ANKRD17: variants seen among roughly 807,000 people sequenced by gnomAD.
The protein encoded by ANKRD17 is ankyrin repeat domain-containing protein 17.
Under a neutral mutation model 229.7 loss-of-function variants are expected in ANKRD17, and 19 were observed. The observed-to-expected ratio is 0.08, with a 90% CI of 0.06 to 0.12. ANKRD17 has a LOEUF of 0.12. Among genes scored for constraint, ANKRD17 ranks in the 10% least tolerant of loss-of-function variants. The probability of loss-of-function intolerance (pLI) is 1.00; values close to 1 mark genes in which losing one functional copy is unlikely to be tolerated. For missense variants in ANKRD17, 2,176 were observed against 3,176.8 expected (o/e 0.68, Z 7.57); for synonymous variants, 1,112 against 1,146.1 (o/e 0.97, Z 0.60).
intron 1 of ANKRD17, among the ~76,000 whole-genome samples, chr4:73,251,831 G>A (rs1046673282): frequency 3.3e-5 from 5 of 152,122 alleles, no homozygotes; most frequent in Non-Finnish European, 7.4e-5. Context: ...TAATCAACTA[G>A]ATGGCATAAT....
At chr4:73,244,989 T>C (rs1053784373) in intron 1 of ANKRD17, among the ~76,000 whole-genome samples, 1 of 152,060 alleles carries the variant, frequency 6.6e-6, no homozygotes, top group African/African-American at 2.4e-5. Flanking sequence ...AATTCACCTA[T>C]AAAGCAGTTT....
At chr4:73,112,916 T>C (rs1578085975) in intron 24 of ANKRD17, 25 of 288,026 alleles carry the variant, frequency 8.7e-5, no homozygotes, top group Non-Finnish European at 1.1e-4. Flanking sequence ...GCCTCCAGAG[T>C]AAATGGGATT....
At chr4:73,095,854 T>G (rs979880403) in intron 27 of ANKRD17, among the ~76,000 whole-genome samples, 1 of 151,936 alleles carries the variant, frequency 6.6e-6, no homozygotes, top group African/African-American at 2.4e-5. Context: ...CCAGCTAATT[T>G]TTTAATTTTG....
At chr4:73,086,919 A>AAAATAT (rs1553911000) in intron 29 of ANKRD17, among the ~76,000 whole-genome samples, 32 of 12,460 alleles carry the variant, frequency 2.6e-3, no homozygotes, top group Non-Finnish European at 3.9e-3. Context: ...AAAAAAAAAA[A>AAAATAT]ATATATATAT....
chr4:73,220,900 C>A (rs940952429), intron 1 of ANKRD17, among the ~76,000 whole-genome samples: 7 of 151,886 alleles, frequency 4.6e-5, no homozygotes, highest in African/African-American at 1.7e-4. Context: ...AGGAGTTATC[C>A]CTGTGGGGGG....
Position 73,189,403 on chromosome 4 carries a change from GTTT to G in ANKRD17, c.394-11873_394-11871del, listed in dbSNP as rs763345325. On this transcript the variant is annotated intron_variant, in intron 1 of 33. Transcript: ENST00000358602. The stretch of plus-strand genomic sequence containing the variant: ...ACGGTGATATTCCTCTGCCTGGAAT[GTTT>G]TTTTTTTTTTTTTTTTTGAAACGGA... Among the ~76,000 whole-genome samples the G allele has an allele frequency of 6.2e-5, 7 of 112,690 alleles. No individual in the cohort carries two copies. The East Asian group carries it at 1.1e-3, about 17-fold the overall frequency. 73.9% of individuals were successfully genotyped at this position (112,690 alleles called of 152,430 possible). A position where few individuals can be genotyped will look rare whatever the true frequency, so the allele number is the denominator to read the frequency against.
intron 24 of ANKRD17, among the ~76,000 whole-genome samples, chr4:73,111,893 G>A (rs1725366407): frequency 6.6e-6 from 1 of 152,156 alleles, no homozygotes; most frequent in African/African-American, 2.4e-5. Context: ...TAGTAATAGA[G>A]ACAAACAAGA....
intron 29 of ANKRD17, among the ~76,000 whole-genome samples, chr4:73,088,832 T>C (rs1195962132): frequency 6.6e-6 from 1 of 152,110 alleles, no homozygotes; most frequent in African/African-American, 2.4e-5. Flanking sequence ...ATAACACAGA[T>C]AACGAGTTGG....
chr4:73,107,288 T>C (rs934182410), intron 24 of ANKRD17, among the ~76,000 whole-genome samples: 9 of 152,210 alleles, frequency 5.9e-5, no homozygotes, highest in Admixed American at 4.6e-4. Flanking sequence ...TAAAGAGTAG[T>C]AATATCAACA....
At chr4:73,243,779 G>A (rs2149266475) in intron 1 of ANKRD17, among the ~76,000 whole-genome samples, 1 of 152,324 alleles carries the variant, frequency 6.6e-6, no homozygotes, top group South Asian at 2.1e-4. Flanking sequence ...AGATATGGCT[G>A]CGTAAGAAAT....
intron 1 of ANKRD17, among the ~76,000 whole-genome samples, chr4:73,248,813 C>T (rs948884045): frequency 2.6e-5 from 4 of 151,512 alleles, no homozygotes; most frequent in Non-Finnish European, 5.9e-5. Context: ...ACAATGAAAA[C>T]AGCCACACAT....
At chr4:73,246,422 C>T (rs1336243535) in intron 1 of ANKRD17, among the ~76,000 whole-genome samples, 1 of 152,144 alleles carries the variant, frequency 6.6e-6, no homozygotes, top group African/African-American at 2.4e-5. Flanking sequence ...TTGTATATAT[C>T]TTTCACTTGG....
chr4:73,228,364 G>A (rs1742712279), intron 1 of ANKRD17, among the ~76,000 whole-genome samples: 2 of 152,184 alleles, frequency 1.3e-5, no homozygotes, highest in South Asian at 4.2e-4. Flanking sequence ...TATGTCTAAT[G>A]TAGCACAAAA....
At chr4:73,097,034 G>T in intron 27 of ANKRD17, 83 bp downstream of exon 27, 1 of 1,463,718 alleles carries the variant, frequency 6.8e-7, no homozygotes, top group Non-Finnish European at 9.2e-7. Context: ...CTTTAGAAGA[G>T]TAGGAGGAAT....
intron 15 of ANKRD17, among the ~76,000 whole-genome samples, chr4:73,137,322 A>C (rs1729033812): frequency 6.6e-6 from 1 of 152,160 alleles, no homozygotes; most frequent in South Asian, 2.1e-4. Flanking sequence ...GAGACAGGTT[A>C]AACAGGGAGC....
chr4:73,097,237 G>T lies in ANKRD17; in HGVS notation c.5057C>A (p.Ser1686Tyr). ...ACCAGATTTTGTACAAGTAGATAGA[G>T]AATTACTGGTCCCTTCACTGATAGT... is the stretch of plus-strand genomic sequence containing the variant. ...SETISEGTSN[S>Y]LSTCTKSGPS... The change falls in exon 27 of 34, where the codon TCT becomes TAT. Residue 1686 changes from serine to tyrosine, a missense_variant. By Grantham distance (144) the Ser-to-Tyr change is moderately radical (BLOSUM62 -2). Around this residue, in one of 18 missense-constraint regions of ANKRD17, gnomAD observed 98 missense variants for 101.0 expected, o/e 0.97. Transcript: ENST00000358602. 1 of 1,601,914 alleles carries T rather than the reference G, an allele frequency of 6.2e-7. No homozygotes were observed. Among genetic ancestry groups the T allele is most frequent in the Non-Finnish European group, 8.5e-7 (1 of 1,175,308 alleles).
chr4:73,200,788 A>G (rs1211730815), intron 1 of ANKRD17, among the ~76,000 whole-genome samples: 1 of 152,004 alleles, frequency 6.6e-6, no homozygotes, highest in African/African-American at 2.4e-5. Context: ...AAAAACCTGT[A>G]ATTTCTCAAT....
chr4:73,216,772 C>A (rs1455361828), intron 1 of ANKRD17, among the ~76,000 whole-genome samples: 1 of 152,188 alleles, frequency 6.6e-6, no homozygotes, highest in Admixed American at 6.5e-5. Flanking sequence ...TATGTGCTAT[C>A]CTACTTACAA....
intron 30 of ANKRD17, among the ~76,000 whole-genome samples, chr4:73,084,038 C>G (rs1705362375): frequency 6.6e-6 from 1 of 151,540 alleles, no homozygotes; most frequent in Admixed American, 6.6e-5. Flanking sequence ...TCCAACCTTA[C>G]TACAGAATTC....
Sources: gnomAD v4.1 joint callset for allele counts (sites outside exome capture counted in the v4.1 genomes callset) on GRCh38, gnomAD v4.1.1 for gene constraint, gnomAD v4.1.1 regional missense constraint, MANE v1.5 for transcripts, NCBI Gene and HGNC (gene_info 2026-07-23, HGNC 2026-07-21) for gene names.